Variants in PTPN9 observed in about 807,000 individuals in gnomAD.
PTPN9 encodes the protein protein tyrosine phosphatase non-receptor type 9.
A neutral mutation model predicts 69.8 loss-of-function variants in PTPN9; 26 were observed. That is an observed-to-expected ratio of 0.37 (90% CI 0.27 to 0.52). The LOEUF (loss-of-function observed/expected upper bound fraction) is 0.52. PTPN9 is among the 20% of genes least tolerant of loss of function. The pLI is 0.91. For synonymous variants in PTPN9, 274 were observed against 272.5 expected (o/e 1.01, Z -0.05); for missense variants, 549 against 740.3 (o/e 0.74, Z 3.00).
intron 9 of PTPN9, among the ~76,000 whole-genome samples, chr15:75,477,838 T>A (rs913982309): frequency 7.1e-6 from 1 of 141,044 alleles, no homozygotes; most frequent in African/African-American, 2.6e-5. Flanking sequence ...ATACTCTTTT[T>A]TTTTTTTTTT....
At chr15:75,535,205 C>T (rs2074978014) in intron 1 of PTPN9, among the ~76,000 whole-genome samples, 1 of 151,930 alleles carries the variant, frequency 6.6e-6, no homozygotes, top group Non-Finnish European at 1.5e-5. Context: ...ACTATGTTGG[C>T]CAGGATGGTC....
In PTPN9 at chr15:75,516,777, G is replaced by A. The variant is rs544085486; in HGVS notation, c.528+482C>T. Reference sequence around the variant, plus strand: ...TTTTTTTTTTTTGAGACACAGTCTCGCTCTGTCGCCAGGCTGGAGTGCAGT... The same window carrying A: ...TTTTTTTTTTTTGAGACACAGTCTCACTCTGTCGCCAGGCTGGAGTGCAGT... On this transcript the variant is annotated intron_variant, in intron 5 of 12. Coordinates refer to ENST00000618819, the MANE Select transcript of PTPN9 (RefSeq NM_002833.4). 8.2e-4 allele frequency among the ~76,000 whole-genome samples: 92 copies of A among 112,658 alleles called. 1 individual carries two copies. In the East Asian group the frequency reaches 0.022, roughly 26 times the overall value. 73.9% of individuals were successfully genotyped at this position (112,658 alleles called of 152,430 possible).
intron 1 of PTPN9, among the ~76,000 whole-genome samples, chr15:75,561,437 AT>A (rs1177640142): frequency 5.3e-5 from 8 of 152,196 alleles, no homozygotes; most frequent in Non-Finnish European, 8.8e-5. Flanking sequence ...AAAAAAAAAA[AT>A]GGGCAAAACG....
chr15:75,505,183 T>C (rs1178780616), intron 7 of PTPN9, among the ~76,000 whole-genome samples: 11 of 151,166 alleles, frequency 7.3e-5, no homozygotes, highest in African/African-American at 2.4e-4. Context: ...CTCTGAAACA[T>C]GTGCTGTGTC....
intron 5 of PTPN9, chr15:75,513,152 C>G (rs2074852144): frequency 2.4e-6 from 1 of 413,634 alleles, no homozygotes; most frequent in African/African-American, 2.1e-5. Context: ...TAGACTAGGC[C>G]CAGGTCTGCA....
chr15:75,565,149 A>T (rs1257621680), intron 1 of PTPN9, among the ~76,000 whole-genome samples: 1 of 142,196 alleles, frequency 7.0e-6, no homozygotes, highest in Non-Finnish European at 1.5e-5. Context: ...AATAATAATA[A>T]TTTTTTAAAA....
chr15:75,556,036 C>CAAAAA, intron 1 of PTPN9, among the ~76,000 whole-genome samples: 1 of 43,268 alleles, frequency 2.3e-5, no homozygotes, highest in East Asian at 6.9e-4. Flanking sequence ...ACCCCCGTCT[C>CAAAAA]AAAAAAAAAA....
At chr15:75,505,231 T>A (rs532602176) in intron 7 of PTPN9, among the ~76,000 whole-genome samples, 58 of 150,136 alleles carry the variant, frequency 3.9e-4, no homozygotes, top group Non-Finnish European at 7.5e-4. Flanking sequence ...GTGCAAGATG[T>A]GCTTTGTTAA....
intron 8 of PTPN9, among the ~76,000 whole-genome samples, chr15:75,482,220 G>A (rs564398380): frequency 6.6e-5 from 10 of 151,876 alleles, no homozygotes; most frequent in African/African-American, 2.2e-4. Context: ...GATTAAGGGC[G>A]GTGCAAGATG....
At chr15:75,520,781 C>T (rs1567500267) in intron 4 of PTPN9, among the ~76,000 whole-genome samples, 1 of 151,872 alleles carries the variant, frequency 6.6e-6, no homozygotes. Context: ...TCCCAAAGTG[C>T]TGGGACTACA....
At chr15:75,493,498 T>G (rs760976393) in intron 7 of PTPN9, among the ~76,000 whole-genome samples, 1 of 152,076 alleles carries the variant, frequency 6.6e-6, no homozygotes, top group Non-Finnish European at 1.5e-5. Flanking sequence ...CAGTAGCTCA[T>G]GCCTGTTATC....
chr15:75,566,562 G>A (rs2075127056), intron 1 of PTPN9, among the ~76,000 whole-genome samples: 2 of 152,086 alleles, frequency 1.3e-5, no homozygotes, highest in South Asian at 4.2e-4. Context: ...GGCACCTGTA[G>A]TCCCAGCTAC....
At chr15:75,476,267 A>G (rs1250244782) in intron 9 of PTPN9, among the ~76,000 whole-genome samples, 2 of 152,230 alleles carry the variant, frequency 1.3e-5, no homozygotes, top group Non-Finnish European at 2.9e-5. Context: ...ATACCATTAA[A>G]TGAAACAAGA....
At chr15:75,523,304 T>C in intron 3 of PTPN9, 59 bp from the exon 4 acceptor site, 1 of 1,560,282 alleles carries the variant, frequency 6.4e-7, no homozygotes, top group Non-Finnish European at 8.7e-7. Context: ...CAGCAATTAC[T>C]AAGACTTATA....
At chr15:75,565,541 C>T (rs1395767518) in intron 1 of PTPN9, among the ~76,000 whole-genome samples, 1 of 152,138 alleles carries the variant, frequency 6.6e-6, no homozygotes, top group East Asian at 1.9e-4. Context: ...GCCAGTACCA[C>T]CTCCCACAGT....
Position 75,480,582 on chromosome 15 carries a change from G to A in PTPN9, c.1063-668C>T, listed in dbSNP as rs879243345. 1.7e-4 allele frequency: 158 copies of A among 953,156 alleles called. 1 individual carries two copies. The South Asian group carries it at 5.1e-3, about 31-fold the overall frequency. 59.0% of individuals were successfully genotyped at this position (953,156 alleles called of 1,614,324 possible). On this transcript the variant is annotated intron_variant, in intron 8 of 12. Coordinates refer to ENST00000618819, the MANE Select transcript of PTPN9 (RefSeq NM_002833.4). ...CCATGGTGGCCGCGGGTGGTGGTTG[G>A]CGCGGCTGCGCTGCGGCCTGGGGCA...
At chr15:75,517,010 T>C (rs2074873802) in intron 5 of PTPN9, among the ~76,000 whole-genome samples, 4 of 152,174 alleles carry the variant, frequency 2.6e-5, no homozygotes, top group Non-Finnish European at 5.9e-5. Flanking sequence ...CCCAAAGTGC[T>C]GGGATTACAG....
intron 8 of PTPN9, 62 bp downstream of exon 8, chr15:75,490,146 T>G: frequency 1.5e-6 from 2 of 1,293,516 alleles, no homozygotes; most frequent in East Asian, 2.3e-5. Context: ...TTAGTAAGCT[T>G]CACTTTGGAA....
At chr15:75,530,400 T>A (rs2074949937) in intron 1 of PTPN9, among the ~76,000 whole-genome samples, 1 of 117,776 alleles carries the variant, frequency 8.5e-6, no homozygotes, top group African/African-American at 3.3e-5. Context: ...TTATATATAT[T>A]ACATATTATA....
Sources: allele counts gnomAD v4.1 joint callset (sites outside exome capture counted in the v4.1 genomes callset), GRCh38; gene constraint gnomAD v4.1.1; transcripts MANE v1.5; gene names NCBI Gene and HGNC (gene_info 2026-07-23, HGNC 2026-07-21).